Variants in SNX8 observed in about 807,000 individuals in gnomAD.
SNX8 encodes the protein sorting nexin 8.
SNX8 carries 25 observed loss-of-function variants against 51.6 expected under a neutral mutation model. The observed-to-expected ratio is 0.48, with a 90% CI of 0.35 to 0.68. The LOEUF (loss-of-function observed/expected upper bound fraction) is 0.68. Ranked by LOEUF, SNX8 falls within the 30% of genes least tolerant of loss-of-function variation. The probability of loss-of-function intolerance (pLI) is 0.00; values close to 1 mark genes in which losing one functional copy is unlikely to be tolerated. For missense variants in SNX8, 695 were observed against 624.0 expected (o/e 1.11, Z -1.21); for synonymous variants, 324 against 277.0 (o/e 1.17, Z -1.68).
At chr7:2,332,406 C>G (rs1778752719) in intron 1 of SNX8, among the ~76,000 whole-genome samples, 1 of 151,988 alleles carries the variant, frequency 6.6e-6, no homozygotes, top group Admixed American at 6.6e-5. Context: ...TATTTATGAG[C>G]TATAAATTTC....
At chr7:2,307,525 G>A (rs777373645) in intron 1 of SNX8, among the ~76,000 whole-genome samples, 41 of 151,654 alleles carry the variant, frequency 2.7e-4, no homozygotes, top group Non-Finnish European at 4.7e-4. Flanking sequence ...CCAGCTACTC[G>A]GGAGGCTGAG....
intron 1 of SNX8, among the ~76,000 whole-genome samples, chr7:2,347,397 C>T (rs1779051598): frequency 6.8e-6 from 1 of 146,064 alleles, no homozygotes; most frequent in African/African-American, 2.5e-5. Context: ...AGGAGAATCG[C>T]TTGAACCTAG....
At chr7:2,285,731 A>G (rs980935670) in intron 1 of SNX8, among the ~76,000 whole-genome samples, 6 of 152,176 alleles carry the variant, frequency 3.9e-5, no homozygotes, top group African/African-American at 1.4e-4. Flanking sequence ...CAGTGGCACG[A>G]TCACAGCTCA....
chr7:2,269,903 G>A (rs73043243), intron 4 of SNX8, among the ~76,000 whole-genome samples: 3,013 of 152,200 alleles, frequency 0.02, 39 homozygotes, highest in South Asian at 0.043. Context: ...CCGCAGACGG[G>A]GGGCAGCTCT....
At chr7:2,290,667 G>GC (rs1319944444) in intron 1 of SNX8, among the ~76,000 whole-genome samples, 1 of 152,176 alleles carries the variant, frequency 6.6e-6, no homozygotes, top group African/African-American at 2.4e-5. Context: ...ACAGCCGCAT[G>GC]CCCTCCCAGC....
chr7:2,265,326 C>T (rs949155409), intron 5 of SNX8, among the ~76,000 whole-genome samples: 1 of 152,010 alleles, frequency 6.6e-6, no homozygotes, highest in Non-Finnish European at 1.5e-5. Context: ...GGCAACAGAG[C>T]GAGACTCCGT....
intron 1 of SNX8, among the ~76,000 whole-genome samples, chr7:2,304,340 A>C (rs12699825): frequency 0.52 from 78,137 of 151,362 alleles, 21,429 homozygotes; most frequent in Middle Eastern, 0.68. Flanking sequence ...GTCAGGAGAT[A>C]GAGACCATCC....
rs528596574 is a variant in SNX8, at chr7:2,257,990, G to A, written c.916-187C>T. ...AGCCCACCCATTACCAGGCGGACAC[G>A]CCTTCGAGCCCAGCAGTCTTTTTTT... is the stretch of plus-strand genomic sequence containing the variant. On this transcript the variant is annotated intron_variant, in intron 7 of 10. Transcript: ENST00000222990. 2.5e-4 allele frequency among the ~76,000 whole-genome samples: 37 copies of A among 147,684 alleles called. No individual in the cohort carries two copies. The Middle Eastern group carries it at 0.014, about 57-fold the overall frequency.
intron 7 of SNX8, among the ~76,000 whole-genome samples, chr7:2,259,562 A>C (rs185940035): frequency 8.5e-4 from 130 of 152,242 alleles, no homozygotes; most frequent in African/African-American, 2.7e-3. Flanking sequence ...AGGGGACCCT[A>C]AGATACCCCT....
Position 2,255,101 on chromosome 7 carries a change from C to G in SNX8, c.1353G>C (p.Leu451=). 1 of 1,580,870 alleles carries G rather than the reference C, an allele frequency of 6.3e-7. No individual in the cohort carries two copies. The highest frequency in any genetic ancestry group is 8.6e-7 in the Non-Finnish European group (1 of 1,164,052). ...SCLFAGPHST[L]TPPCSPPEDG... ...CCTCCGGCGGGGAGCACGGTGGGGT[C>G]AGGGTGCTGTGTGGTCCCGCAAAGA... Residue 451 remains leucine, a synonymous_variant, in exon 11 of 11, where the codon CTG becomes CTC. Transcript: ENST00000222990.
At chr7:2,326,621 A>G (rs561551202) in intron 1 of SNX8, among the ~76,000 whole-genome samples, 7 of 152,120 alleles carry the variant, frequency 4.6e-5, no homozygotes, top group East Asian at 1.9e-4. Context: ...AGCCGAGATC[A>G]CGCCACTGCA....
rs138229700 is a variant in SNX8 at position 2,346,840 on chromosome 7, A to G, written c.-66+7382T>C. Among the ~76,000 whole-genome samples, 471 of 145,408 alleles carry G rather than the reference A, an allele frequency of 3.2e-3. 2 individuals are homozygous for G. Among genetic ancestry groups the G allele is most frequent in the African/African-American group, 0.011 (437 of 39,800 alleles). ...GAGGCTGAGTTCAGAGGATCTCTTG[A>G]GCCTGGGAGGTGGAGGCTGCAGTGA... On this transcript the variant is annotated intron_variant, in intron 1 of 5. Coordinates refer to the SNX8 transcript ENST00000435336.
rs968740816 is a variant in SNX8 at position 2,286,034 on chromosome 7, G to C, written c.95-7729C>G. 6.9e-5 allele frequency among the ~76,000 whole-genome samples: 10 copies of C among 143,970 alleles called. No individual in the cohort carries two copies. In the Admixed American group the frequency reaches 7.1e-4, roughly 10 times the overall value. The allele number at this position is 143,970 out of a possible 152,430, so 94.4% of individuals were successfully genotyped here. On this transcript the variant is annotated intron_variant, in intron 1 of 10. Transcript: ENST00000222990. ...TTTTTTTTTTTTTTCTTTTTTGAGA[G>C]GGAGTCTTGCTCTGTCTCCCAAGCT...
At position 2,277,997 on chromosome 7, in the gene SNX8, C is replaced by T. The variant is rs1214248599; in HGVS notation, c.300+103G>A. On this transcript the variant is annotated intron_variant, in intron 2 of 10. Coordinates refer to ENST00000222990, the MANE Select transcript of SNX8 (RefSeq NM_013321.4). ...TGCCTGTAAGCCAGCCACACAGACT[C>T]ACCCTTCAGCCTTCTCCTGTCACAC... 9 of 1,494,876 alleles carry T rather than the reference C, an allele frequency of 6.0e-6. No individual in the cohort carries two copies. The East Asian group carries it at 1.9e-4, about 31-fold the overall frequency. The allele number at this position is 1,494,876 out of a possible 1,614,324, so 92.6% of individuals were successfully genotyped here.
chr7:2,323,720 T>C (rs1349688568), intron 1 of SNX8, among the ~76,000 whole-genome samples: 4 of 152,206 alleles, frequency 2.6e-5, no homozygotes, highest in Admixed American at 2.6e-4. Flanking sequence ...TACTACCACG[T>C]GCCTGGCACG....
chr7:2,329,652 GA>G (rs1489147761), intron 1 of SNX8, among the ~76,000 whole-genome samples: 1 of 152,148 alleles, frequency 6.6e-6, no homozygotes, highest in Non-Finnish European at 1.5e-5. Context: ...TTCCCTGGGG[GA>G]AGGAAAGCTG....
chr7:2,274,768 T>C (rs914661042), intron 3 of SNX8, among the ~76,000 whole-genome samples: 2 of 152,312 alleles, frequency 1.3e-5, no homozygotes, highest in East Asian at 3.9e-4. Context: ...GAGCACACAG[T>C]GCTCCTGGCA....
chr7:2,313,107 G>C (rs2115212144), intron 1 of SNX8, among the ~76,000 whole-genome samples: 1 of 151,952 alleles, frequency 6.6e-6, no homozygotes, highest in East Asian at 2.0e-4. Context: ...CACCGTGTTA[G>C]CCAGGATGGT....
rs558581189 is a variant in SNX8 at position 2,257,685 on chromosome 7, A to C, written c.984+50T>G. The C allele has an allele frequency of 3.0e-5, 48 of 1,586,974 alleles. No individual in the cohort carries two copies. The East Asian group carries it at 6.9e-4, about 23-fold the overall frequency. On this transcript the variant is annotated intron_variant, in intron 8 of 10. Coordinates refer to ENST00000222990, the MANE Select transcript of SNX8 (RefSeq NM_013321.4). The stretch of plus-strand genomic sequence containing the variant: ...GGAGTTAGACCCTTGAAGGATCCTA[A>C]GATCATTCCTGAAAGTTCTGCCCCC...
Sources: allele counts gnomAD v4.1 joint callset (sites outside exome capture counted in the v4.1 genomes callset), GRCh38; gene constraint gnomAD v4.1.1; transcripts MANE v1.5; gene names NCBI Gene and HGNC (gene_info 2026-07-23, HGNC 2026-07-21).